Variants in IL17RD observed in about 807,000 individuals in gnomAD.
IL17RD encodes the protein interleukin-17 receptor D.
Under a neutral mutation model 80.5 loss-of-function variants are expected in IL17RD, and 52 were observed. The observed-to-expected ratio is 0.65, with a 90% CI of 0.52 to 0.81. The LOEUF (loss-of-function observed/expected upper bound fraction) is 0.81, where lower values mean the gene tolerates loss of function less well. IL17RD is among the 40% of genes least tolerant of loss of function. The pLI, the probability that IL17RD is intolerant of heterozygous loss-of-function variation, is 0.00. For synonymous variants in IL17RD, 416 were observed against 391.8 expected, an observed-to-expected ratio of 1.06 and a Z score of -0.73; for missense variants, 1,024 against 955.1, an observed-to-expected ratio of 1.07 and a Z score of -0.95.
chr3:57,148,235 G>T lies in IL17RD; in HGVS notation c.126+16926C>A, dbSNP rs529566649. On this transcript the variant is annotated intron_variant, in intron 1 of 12. Transcript: ENST00000296318. ...AGCTACTCAGGAGGCTGAGGCAGGA[G>T]AATCGCTTGAACCCAGAAGGCAGAG... Among the ~76,000 whole-genome samples the T allele has an allele frequency of 7.3e-5, 11 of 150,922 alleles. No individual in the cohort carries two copies. The South Asian group carries it at 1.3e-3, about 17-fold the overall frequency.
At chr3:57,111,211 G>A (rs1707090736) in intron 3 of IL17RD, among the ~76,000 whole-genome samples, 1 of 152,202 alleles carries the variant, frequency 6.6e-6, no homozygotes, top group Admixed American at 6.5e-5. Flanking sequence ...AATTACACAG[G>A]ATGCAATTAA....
intron 1 of IL17RD, among the ~76,000 whole-genome samples, chr3:57,163,803 A>AGGGGGGGGGGGGGGGGGGGGGGGGGGGGG (rs1401715931): frequency 1.8e-4 from 1 of 5,526 alleles, no homozygotes; most frequent in African/African-American, 7.7e-4. Context: ...CGGGGGGGGA[A>AGGGGGGGGGGGGGGGGGGGGGGGGGGGGG]GGGGGTGGCG....
At chr3:57,125,404 T>C (rs1175670337) in intron 1 of IL17RD, among the ~76,000 whole-genome samples, 1 of 150,864 alleles carries the variant, frequency 6.6e-6, no homozygotes, top group Non-Finnish European at 1.5e-5. Flanking sequence ...TGAGGCTCCA[T>C]CTCTAAAGAA....
In IL17RD at chr3:57,129,378, C is replaced by T. The variant is rs1579293939; in HGVS notation, c.127-9065G>A. ...ATAGAGGAAAACTTAAAGCTATAAA[C>T]ATGATTGTTATGCCTAAGCTGAGAG... On this transcript the variant is annotated intron_variant, in intron 1 of 12. Transcript: ENST00000296318. 4.6e-5 allele frequency among the ~76,000 whole-genome samples: 7 copies of T among 152,308 alleles called. 1 individual carries two copies. The highest frequency in any genetic ancestry group is 4.6e-4 in the Admixed American group (7 of 15,294).
At chr3:57,135,897 G>A (rs1707715541) in intron 1 of IL17RD, among the ~76,000 whole-genome samples, 1 of 151,416 alleles carries the variant, frequency 6.6e-6, no homozygotes, top group Non-Finnish European at 1.5e-5. Flanking sequence ...ACGGTGACAA[G>A]GCTACTTGCA....
intron 1 of IL17RD, among the ~76,000 whole-genome samples, chr3:57,159,863 C>T (rs987019612): frequency 6.6e-6 from 1 of 152,178 alleles, no homozygotes; most frequent in Non-Finnish European, 1.5e-5. Context: ...ACCCATCCAT[C>T]AGAAGCAGGC....
At chr3:57,133,518 T>C (rs1224163535) in intron 1 of IL17RD, among the ~76,000 whole-genome samples, 1 of 152,250 alleles carries the variant, frequency 6.6e-6, no homozygotes, top group Non-Finnish European at 1.5e-5. Flanking sequence ...TTTGTTTTAA[T>C]TTCCTTGAAC....
At chr3:57,129,619 C>G (rs1014926942) in intron 1 of IL17RD, among the ~76,000 whole-genome samples, 1 of 152,190 alleles carries the variant, frequency 6.6e-6, no homozygotes, top group Non-Finnish European at 1.5e-5. Context: ...CTCCTCCACC[C>G]CAACAGGTCC....
intron 1 of IL17RD, among the ~76,000 whole-genome samples, chr3:57,138,668 G>C (rs1353485564): frequency 1.3e-5 from 2 of 152,100 alleles, no homozygotes; most frequent in African/African-American, 4.8e-5. Flanking sequence ...AGGTGCGGTG[G>C]CTCACACCTG....
chr3:57,153,860 T>C (rs2060247267), intron 1 of IL17RD, among the ~76,000 whole-genome samples: 1 of 152,200 alleles, frequency 6.6e-6, no homozygotes, highest in Non-Finnish European at 1.5e-5. Flanking sequence ...ATATTATATA[T>C]ACCTGTATTT....
Position 57,095,870 on chromosome 3 carries a change from C to T in IL17RD, c.*523G>A. 6.5e-6 allele frequency: 1 copy of T among 154,528 alleles called. No individual in the cohort carries two copies. The allele number at this position is 154,528 out of a possible 1,614,324, so 9.6% of individuals were successfully genotyped here. ...TTTTGACTCAAAGCTTATTTAACAC[C>T]CATGGCAATGTAAATTCTACATCAA... On this transcript the variant is annotated 3_prime_UTR_variant, in exon 13 of 13. Coordinates refer to ENST00000296318, the MANE Select transcript of IL17RD (RefSeq NM_017563.5).
chr3:57,110,042 G>T, intron 4 of IL17RD, 151 bp downstream of exon 4: 1 of 792,626 alleles, frequency 1.3e-6, no homozygotes, highest in Non-Finnish European at 2.0e-6. Context: ...CGTGGAGCAG[G>T]CTCAAGGTGC....
chr3:57,100,873 G>T (rs1276935161), intron 11 of IL17RD, among the ~76,000 whole-genome samples: 2 of 152,208 alleles, frequency 1.3e-5, no homozygotes, highest in African/African-American at 2.4e-5. Flanking sequence ...AACTCCAATT[G>T]CATGTTTCCA....
chr3:57,131,216 T>C (rs72875811), intron 1 of IL17RD, among the ~76,000 whole-genome samples: 14,036 of 149,182 alleles, frequency 0.094, 2,193 homozygotes, highest in African/African-American at 0.33. Context: ...GGAATCCCAG[T>C]TACTTGGGAG....
chr3:57,166,367 A>C (rs1487483152), upstream of IL17RD, among the ~76,000 whole-genome samples: 1 of 152,172 alleles, frequency 6.6e-6, no homozygotes, highest in African/African-American at 2.4e-5. Flanking sequence ...CTACTGACTT[A>C]TCCCAATTAA....
chr3:57,127,604 C>T (rs1707523465), intron 1 of IL17RD, among the ~76,000 whole-genome samples: 1 of 150,980 alleles, frequency 6.6e-6, no homozygotes, highest in Non-Finnish European at 1.5e-5. Context: ...CAGGTGTTTC[C>T]CCATGTTAGT....
chr3:57,095,054 T>G lies in IL17RD; in HGVS notation c.*1339A>C. On this transcript the variant is annotated 3_prime_UTR_variant, in exon 13 of 13. Transcript: ENST00000296318. ...GCCCCATCCCACCTCCCACCTTGCC[T>G]CAGGATGTTTCTCAACATACCCCTT... The G allele has an allele frequency of 6.6e-6, 1 of 152,626 alleles. No individual in the cohort carries two copies. The highest frequency in any genetic ancestry group is 6.5e-5 in the Admixed American group (1 of 15,298). The allele number at this position is 152,626 out of a possible 1,614,324, so 9.5% of individuals were successfully genotyped here.
intron 1 of IL17RD, among the ~76,000 whole-genome samples, chr3:57,151,256 T>C (rs1366633799): frequency 6.6e-6 from 1 of 152,186 alleles, no homozygotes; most frequent in African/African-American, 2.4e-5. Flanking sequence ...TAAATGCTTT[T>C]ATTAACCATA....
At chr3:57,101,072 G>T in intron 11 of IL17RD, 107 bp downstream of exon 11, 1 of 792,918 alleles carries the variant, frequency 1.3e-6, no homozygotes, top group Non-Finnish European at 2.0e-6. Flanking sequence ...CACTAGTCAA[G>T]GGCAGGTGTC....
Sources: gnomAD v4.1 joint callset for allele counts (sites outside exome capture counted in the v4.1 genomes callset) on GRCh38, gnomAD v4.1.1 for gene constraint, MANE v1.5 for transcripts, NCBI Gene and HGNC (gene_info 2026-07-23, HGNC 2026-07-21) for gene names.